MGMT: variants seen among roughly 807,000 people sequenced by gnomAD.
The protein encoded by MGMT is O-6-methylguanine-DNA methyltransferase, also known as methylated-DNA--protein-cysteine methyltransferase.
A neutral mutation model predicts 15.9 loss-of-function variants in MGMT; 14 were observed. That is an observed-to-expected ratio of 0.88 (90% CI 0.58 to 1.37). MGMT has a LOEUF of 1.37. MGMT is among the 40% of genes most tolerant of loss of function. The pLI, the probability that MGMT is intolerant of heterozygous loss-of-function variation, is 0.00. For synonymous variants in MGMT, 130 were observed against 118.2 expected (o/e 1.10, Z -0.65); for missense variants, 282 against 268.1 (o/e 1.05, Z -0.36).
rs752725511 is a variant in MGMT, at chr10:129,536,394, G to A, written c.125+17G>A. The A allele has an allele frequency of 9.9e-6, 16 of 1,608,642 alleles. 1 individual carries two copies. The highest frequency in any genetic ancestry group is 4.5e-5 in the East Asian group (2 of 44,856). ...TGCAGCTGAGTAAGTATGAGCCCAC[G>A]TGATCCTGTATACCGCACATGCTGA... On this transcript the variant is annotated intron_variant, in intron 2 of 4. Transcript: ENST00000651593.
At chr10:129,723,889 G>A (rs940482271) in intron 3 of MGMT, among the ~76,000 whole-genome samples, 1 of 152,200 alleles carries the variant, frequency 6.6e-6, no homozygotes, top group African/African-American at 2.4e-5. Context: ...GTGTCGCAGA[G>A]ACTGCCGCAG....
At chr10:129,741,966 C>T (rs577029810) in intron 3 of MGMT, among the ~76,000 whole-genome samples, 51 of 152,270 alleles carry the variant, frequency 3.3e-4, no homozygotes, top group Non-Finnish European at 5.7e-4. Context: ...GGAGTTGCAA[C>T]GCCAGCTTTG....
Position 129,770,090 on chromosome 10 carries a change from C to T in MGMT, c.*3093C>T, listed in dbSNP as rs563562604. Among the ~76,000 whole-genome samples the T allele has an allele frequency of 2.6e-5, 4 of 152,270 alleles. No individual in the cohort carries two copies. The highest frequency in any genetic ancestry group is 7.2e-5 in the African/African-American group (3 of 41,562). On this transcript the variant is annotated 3_prime_UTR_variant, in exon 5 of 5. Transcript: ENST00000651593. ...GTGCTAGCAACTGAAACCATCTCTG[C>T]GACTTAAGCTTCTCTGGTGCGTCGC...
intron 1 of MGMT, among the ~76,000 whole-genome samples, chr10:129,496,285 G>T (rs1013028356): frequency 6.6e-6 from 1 of 152,078 alleles, no homozygotes; most frequent in East Asian, 1.9e-4. Flanking sequence ...CCAAAAGCTG[G>T]TCCGATTCTT....
intron 1 of MGMT, among the ~76,000 whole-genome samples, chr10:129,521,616 C>A (rs1301560158): frequency 6.6e-6 from 1 of 152,202 alleles, no homozygotes; most frequent in Non-Finnish European, 1.5e-5. Flanking sequence ...CTCCCAGGCC[C>A]CCAGGGAGGG....
intron 2 of MGMT, among the ~76,000 whole-genome samples, chr10:129,563,321 G>C (rs527916362): frequency 5.0e-4 from 76 of 152,200 alleles, no homozygotes; most frequent in Non-Finnish European, 9.9e-4. Context: ...TGTGTGGGTA[G>C]GATGACCCTG....
chr10:129,499,093 A>G (rs778521560), intron 1 of MGMT, among the ~76,000 whole-genome samples: 6 of 152,186 alleles, frequency 3.9e-5, no homozygotes, highest in Non-Finnish European at 8.8e-5. Context: ...ATGTTTGCTT[A>G]TATGGTGGCT....
At chr10:129,491,000 T>C (rs984282220) in intron 1 of MGMT, among the ~76,000 whole-genome samples, 1 of 152,194 alleles carries the variant, frequency 6.6e-6, no homozygotes, top group African/African-American at 2.4e-5. Flanking sequence ...TGCTGTTGTA[T>C]TTTAATTATA....
At chr10:129,612,040 A>G (rs1214735393) in intron 2 of MGMT, among the ~76,000 whole-genome samples, 6 of 152,194 alleles carry the variant, frequency 3.9e-5, no homozygotes, top group Admixed American at 2.0e-4. Flanking sequence ...GGGAGACATG[A>G]GACATCAATC....
chr10:129,712,707 A>T (rs1848246255), intron 3 of MGMT, among the ~76,000 whole-genome samples: 1 of 152,150 alleles, frequency 6.6e-6, no homozygotes, highest in Non-Finnish European at 1.5e-5. Flanking sequence ...GGAGAGGATG[A>T]CGAGGGAGGA....
chr10:129,558,115 G>A (rs1490228123), intron 2 of MGMT, among the ~76,000 whole-genome samples: 2 of 152,162 alleles, frequency 1.3e-5, no homozygotes, highest in African/African-American at 2.4e-5. Flanking sequence ...CTGTGCGCCC[G>A]GGGTCAGGTG....
chr10:129,711,165 T>A (rs1848228794), intron 3 of MGMT, among the ~76,000 whole-genome samples: 1 of 152,212 alleles, frequency 6.6e-6, no homozygotes, highest in African/African-American at 2.4e-5. Context: ...CTCTTCGCGG[T>A]ACCACCTCAC....
intron 1 of MGMT, among the ~76,000 whole-genome samples, chr10:129,479,469 C>CT (rs2119632188): frequency 6.6e-6 from 1 of 152,082 alleles, no homozygotes; most frequent in East Asian, 1.9e-4. Context: ...TACTGACTTG[C>CT]TGTGCCAAAG....
intron 4 of MGMT, among the ~76,000 whole-genome samples, chr10:129,762,747 C>T (rs1182956647): frequency 1.3e-5 from 2 of 152,148 alleles, no homozygotes; most frequent in African/African-American, 2.4e-5. Flanking sequence ...TTGCCATGAG[C>T]GTTAATGACC....
chr10:129,571,075 CTGT>C (rs1462764359), intron 2 of MGMT, among the ~76,000 whole-genome samples: 9 of 152,296 alleles, frequency 5.9e-5, no homozygotes, highest in Non-Finnish European at 8.8e-5. Context: ...AAATCAGGGC[CTGT>C]TGTTAGTGTA....
At chr10:129,496,188 A>G (rs898865362) in intron 1 of MGMT, among the ~76,000 whole-genome samples, 1 of 152,158 alleles carries the variant, frequency 6.6e-6, no homozygotes, top group Non-Finnish European at 1.5e-5. Context: ...TGTTTTATAA[A>G]TATTTCAGGA....
chr10:129,636,537 G>A (rs1165239551), intron 2 of MGMT, among the ~76,000 whole-genome samples: 1 of 152,116 alleles, frequency 6.6e-6, no homozygotes, highest in Non-Finnish European at 1.5e-5. Context: ...CTTTGTCTTG[G>A]CTCTCTGGCT....
chr10:129,485,151 C>T (rs758794491), intron 1 of MGMT, among the ~76,000 whole-genome samples: 19 of 152,264 alleles, frequency 1.2e-4, no homozygotes, highest in Admixed American at 2.6e-4. Context: ...CTTTCTTTGA[C>T]CTCAGGGAGT....
chr10:129,714,149 C>T (rs553669795), intron 3 of MGMT, among the ~76,000 whole-genome samples: 12 of 152,358 alleles, frequency 7.9e-5, no homozygotes, highest in African/African-American at 2.4e-4. Flanking sequence ...CTGGTTTGCC[C>T]GGGCTTTGCC....
Sources: gnomAD v4.1 joint callset for allele counts (sites outside exome capture counted in the v4.1 genomes callset) on GRCh38, gnomAD v4.1.1 for gene constraint, MANE v1.5 for transcripts, NCBI Gene and HGNC (gene_info 2026-07-23, HGNC 2026-07-21) for gene names.